Variants in GGACT observed in about 807,000 individuals in gnomAD.
The protein encoded by GGACT is gamma-glutamylamine cyclotransferase.
For synonymous variants in GGACT, 118 were observed against 115.3 expected, an observed-to-expected ratio of 1.02 and a Z score of -0.15; for missense variants, 241 against 233.2, an observed-to-expected ratio of 1.03 and a Z score of -0.22.
intron 2 of GGACT, among the ~76,000 whole-genome samples, chr13:100,550,349 CA>C: frequency 6.9e-5 from 3 of 43,514 alleles, no homozygotes; most frequent in African/African-American, 1.4e-4. Context: ...CACACACACA[CA>C]CACACCACTG....
At chr13:100,556,327 CAG>C (rs1167524826) in intron 2 of GGACT, among the ~76,000 whole-genome samples, 2 of 152,106 alleles carry the variant, frequency 1.3e-5, no homozygotes, top group Non-Finnish European at 2.9e-5. Flanking sequence ...TATATTCTAA[CAG>C]GGGAAAACTG....
intron 2 of GGACT, among the ~76,000 whole-genome samples, chr13:100,569,048 G>T (rs917252388): frequency 4.6e-5 from 7 of 152,238 alleles, no homozygotes; most frequent in Non-Finnish European, 8.8e-5. Flanking sequence ...GCTTTGCAGG[G>T]TACAGCCTCC....
At chr13:100,578,557 T>C (rs1228971281) in intron 2 of GGACT, among the ~76,000 whole-genome samples, 1 of 152,230 alleles carries the variant, frequency 6.6e-6, no homozygotes, top group East Asian at 1.9e-4. Context: ...TGACTTCTGT[T>C]GTAAAAGATC....
At chr13:100,561,016 C>T (rs574294030) in intron 2 of GGACT, among the ~76,000 whole-genome samples, 4 of 152,308 alleles carry the variant, frequency 2.6e-5, no homozygotes, top group Non-Finnish European at 5.9e-5. Flanking sequence ...TCCTAGACCA[C>T]TCATCCACAC....
At chr13:100,576,250 C>T (rs918443102) in intron 2 of GGACT, among the ~76,000 whole-genome samples, 10 of 152,138 alleles carry the variant, frequency 6.6e-5, no homozygotes. Flanking sequence ...AAAAATAACA[C>T]ATCTATTAGG....
At chr13:100,539,649 T>C (rs2088531125) in intron 2 of GGACT, 1 of 501,732 alleles carries the variant, frequency 2.0e-6, no homozygotes, top group Non-Finnish European at 3.5e-6. Context: ...ATCAAGAATA[T>C]TAGTCTGTAG....
In GGACT at chr13:100,545,184, A is replaced by C. The variant is rs1041948830; in HGVS notation, c.-10-12583T>G. Among the ~76,000 whole-genome samples the C allele has an allele frequency of 6.6e-6, 1 of 152,190 alleles. No homozygotes were observed. Among genetic ancestry groups the C allele is most frequent in the East Asian group, 1.9e-4 (1 of 5,192 alleles). ...CCTACCTGTGGCTCACGGGGGATCAACGCCACCCCCAAGGGAGAGCCCTGA... is the reference window on the plus strand; with the variant it reads ...CCTACCTGTGGCTCACGGGGGATCACCGCCACCCCCAAGGGAGAGCCCTGA... On this transcript the variant is annotated intron_variant, in intron 2 of 2. Transcript: ENST00000683975. This position sits in a 1 kb window ranked among gnomAD's most constrained non-coding sequence, Gnocchi z 4.4.
At chr13:100,583,787 G>C (rs1875487648) in intron 2 of GGACT, 38 bp downstream of exon 2, 1 of 152,204 alleles carries the variant, frequency 6.6e-6, no homozygotes, top group Non-Finnish European at 1.5e-5. Context: ...TAGAATTTGA[G>C]CAATGAACAC....
intron 2 of GGACT, among the ~76,000 whole-genome samples, chr13:100,546,577 G>A (rs1372144643): frequency 6.6e-6 from 1 of 152,072 alleles, no homozygotes; most frequent in Non-Finnish European, 1.5e-5. Context: ...TTGGGAGGCT[G>A]AGGTGGGGGG....
intron 2 of GGACT, among the ~76,000 whole-genome samples, chr13:100,563,317 G>A (rs944996987): frequency 1.3e-5 from 2 of 152,224 alleles, no homozygotes; most frequent in Admixed American, 6.5e-5. Flanking sequence ...CCAGGGGCTC[G>A]GGATGGAAGA....
intron 2 of GGACT, among the ~76,000 whole-genome samples, chr13:100,574,346 C>T (rs551137701): frequency 4.2e-4 from 64 of 152,158 alleles, no homozygotes; most frequent in South Asian, 1.9e-3. Flanking sequence ...AGGCTGAGGC[C>T]GGTGGAATCA....
At chr13:100,565,733 C>T (rs185878447) in intron 2 of GGACT, among the ~76,000 whole-genome samples, 66 of 152,254 alleles carry the variant, frequency 4.3e-4, no homozygotes, top group African/African-American at 1.4e-3. Flanking sequence ...ACATGCATGC[C>T]TGGATGTGCC....
intron 2 of GGACT, chr13:100,540,166 C>T (rs1045627997): frequency 4.8e-5 from 75 of 1,571,850 alleles, no homozygotes; most frequent in Non-Finnish European, 5.5e-5. Context: ...GGGCACGCAT[C>T]GGGCACAGTT....
At chr13:100,555,309 G>A (rs564968518) in intron 2 of GGACT, among the ~76,000 whole-genome samples, 53 of 152,224 alleles carry the variant, frequency 3.5e-4, no homozygotes, top group African/African-American at 1.3e-3. Flanking sequence ...TGGACTGCTG[G>A]AGTCCAGGAG....
rs2088383548 is a variant in GGACT, at chr13:100,531,601, T to C, written c.*529A>G. On this transcript the variant is annotated 3_prime_UTR_variant, in exon 3 of 3. Coordinates refer to ENST00000683975, the MANE Select transcript of GGACT (RefSeq NM_001195087.2). Reference sequence around the variant, plus strand: ...TTCAAATTTAAATAATCTTTAATATTTGCTGTGAAGCTTGATCTGAAAATT... The same window carrying C: ...TTCAAATTTAAATAATCTTTAATATCTGCTGTGAAGCTTGATCTGAAAATT... 1 of 152,758 alleles carries C rather than the reference T, an allele frequency of 6.5e-6. No individual in the cohort carries two copies. The highest frequency in any genetic ancestry group is 2.4e-5 in the African/African-American group (1 of 41,494). The allele number at this position is 152,758 out of a possible 1,614,324, so 9.5% of individuals were successfully genotyped here. A position where few individuals can be genotyped will look rare whatever the true frequency, so the allele number is the denominator to read the frequency against.
At chr13:100,560,066 G>C (rs2088745756) in intron 2 of GGACT, among the ~76,000 whole-genome samples, 1 of 152,014 alleles carries the variant, frequency 6.6e-6, no homozygotes, top group African/African-American at 2.4e-5. Flanking sequence ...AAGCCATGGG[G>C]GCAGAGCAGA....
At chr13:100,541,321 T>A (rs1271910158) in intron 2 of GGACT, among the ~76,000 whole-genome samples, 3 of 152,088 alleles carry the variant, frequency 2.0e-5, no homozygotes, top group Admixed American at 2.0e-4. Context: ...ATAACAGGCC[T>A]GACTTGAGTT....
At chr13:100,559,092 G>A (rs1226427479) in intron 2 of GGACT, among the ~76,000 whole-genome samples, 3 of 152,174 alleles carry the variant, frequency 2.0e-5, no homozygotes, top group South Asian at 2.1e-4. Flanking sequence ...TCCATTTTAT[G>A]AGTCAGAGCA....
chr13:100,549,670 T>C (rs189066706), intron 2 of GGACT, among the ~76,000 whole-genome samples: 8 of 152,326 alleles, frequency 5.3e-5, no homozygotes. Flanking sequence ...AGCATCACCT[T>C]TCGCTAAGAA....
Sources: allele counts gnomAD v4.1 joint callset (sites outside exome capture counted in the v4.1 genomes callset), GRCh38; gene constraint gnomAD v4.1.1; non-coding constraint Gnocchi (gnomAD v3.1); transcripts MANE v1.5; gene names NCBI Gene and HGNC (gene_info 2026-07-23, HGNC 2026-07-21).